AP1B1: variants seen among roughly 807,000 people sequenced by gnomAD.
The protein encoded by AP1B1 is AP-1 complex subunit beta-1.
In AP1B1, 36 loss-of-function variants were observed where a neutral mutation model predicts 104.3. The observed-to-expected ratio is 0.35, with a 90% CI of 0.26 to 0.46. The LOEUF (loss-of-function observed/expected upper bound fraction) is 0.46. Among genes scored for constraint, AP1B1 ranks in the 20% least tolerant of loss-of-function variants. The pLI, the probability that AP1B1 is intolerant of heterozygous loss-of-function variation, is 1.00. For missense variants in AP1B1, 901 were observed against 1,247.9 expected (o/e 0.72, Z 4.19); for synonymous variants, 504 against 517.5 (o/e 0.97, Z 0.35).
intron 19 of AP1B1, among the ~76,000 whole-genome samples, chr22:29,331,009 G>T (rs994995954): frequency 2.6e-5 from 4 of 152,208 alleles, no homozygotes; most frequent in African/African-American, 9.7e-5. Flanking sequence ...AGCCTCCCAT[G>T]CAGGCCTTCT....
intron 2 of AP1B1, among the ~76,000 whole-genome samples, chr22:29,366,855 C>T (rs3963294): frequency 6.6e-6 from 1 of 151,454 alleles, no homozygotes; most frequent in Non-Finnish European, 1.5e-5. Flanking sequence ...CACACACACA[C>T]ACACACACAC....
Position 29,342,393 on chromosome 22 carries a change from A to G in AP1B1, c.1438-10T>C. Reference sequence around the variant, plus strand: ...GCAGCTGCAGCTGGACCTGCAGGGAACAGCGGTGACGAGGAGGAAGTGTGG... The same window carrying G: ...GCAGCTGCAGCTGGACCTGCAGGGAGCAGCGGTGACGAGGAGGAAGTGTGG... On this transcript the variant is annotated splice_polypyrimidine_tract_variant and intron_variant, in intron 11 of 22. Transcript: ENST00000357586. 2 of 1,610,604 alleles carry G rather than the reference A, an allele frequency of 1.2e-6. No homozygotes were observed. The highest frequency in any genetic ancestry group is 1.7e-6 in the Non-Finnish European group (2 of 1,177,094).
rs1027275922 is a variant in AP1B1 at position 29,378,700 on chromosome 22, A to G, written c.-28+9724T>C. On this transcript the variant is annotated intron_variant, in intron 1 of 22. Transcript: ENST00000357586. ...CGGTGAAACCCCATCTCTACTAAAA[A>G]TACAAAAAATTAGCTGGGCCTGGTG... 2.0e-5 allele frequency among the ~76,000 whole-genome samples: 3 copies of G among 151,846 alleles called. No individual in the cohort carries two copies. The East Asian group carries it at 5.8e-4, about 30-fold the overall frequency.
chr22:29,358,515 G>A (rs2061994082), intron 5 of AP1B1, among the ~76,000 whole-genome samples: 2 of 152,204 alleles, frequency 1.3e-5, no homozygotes, highest in Admixed American at 6.5e-5. Context: ...CCCAGGTTGC[G>A]CAGCTAGTCA....
At chr22:29,336,591 C>G (rs906770037) in intron 16 of AP1B1, among the ~76,000 whole-genome samples, 1 of 150,320 alleles carries the variant, frequency 6.7e-6, no homozygotes, top group Admixed American at 6.6e-5. Context: ...CATCTGAGGT[C>G]ACGAGTTCAA....
intron 14 of AP1B1, among the ~76,000 whole-genome samples, 159 bp downstream of exon 14, chr22:29,340,497 C>A (rs1047643115): frequency 3.9e-5 from 6 of 152,168 alleles, no homozygotes; most frequent in African/African-American, 1.2e-4. Flanking sequence ...GTTTTCTCAT[C>A]ATAAGTAGGG....
chr22:29,372,522 G>C (rs2062258604), intron 1 of AP1B1, among the ~76,000 whole-genome samples: 1 of 151,270 alleles, frequency 6.6e-6, no homozygotes, highest in African/African-American at 2.4e-5. Context: ...GATGTATAAA[G>C]AAGCCCTTGG....
Position 29,340,737 on chromosome 22 carries a change from G to A in AP1B1, c.1917C>T (p.Pro639=). 6.3e-6 allele frequency: 10 copies of A among 1,595,678 alleles called. No homozygotes were observed. Among genetic ancestry groups the A allele is most frequent in the Non-Finnish European group, 8.5e-6 (10 of 1,172,108 alleles). The change falls in exon 14 of 23, where the codon CCC becomes CCT. Residue 639 remains proline (P), a synonymous_variant. Transcript: ENST00000357586. ...TGGCCAGGGGTGGGCCGCTCACTGGGGGGCCGAGGTCCAGGTTGAGGAGGT... is the reference window on the plus strand; with the variant it reads ...TGGCCAGGGGTGGGCCGCTCACTGGAGGGCCGAGGTCCAGGTTGAGGAGGT... ...LGDLLNLDLG[P]PVSGPPLATS...
chr22:29,331,546 G>C lies in AP1B1; in HGVS notation c.2440-13C>G, dbSNP rs199548425. On this transcript the variant is annotated splice_polypyrimidine_tract_variant and intron_variant, in intron 18 of 22. Transcript: ENST00000357586. The stretch of plus-strand genomic sequence containing the variant: ...TCTTCACGGCCACCTAGGCACAAGG[G>C]GGTCCCCAGTCAGTCTCTGGGGCTT... 1.7e-5 allele frequency: 27 copies of C among 1,614,124 alleles called. No homozygotes were observed. Among genetic ancestry groups the C allele is most frequent in the Admixed American group, 1.7e-4 (10 of 60,030 alleles).
intron 22 of AP1B1, 136 bp from the exon 23 acceptor site, chr22:29,329,031 C>A: frequency 6.8e-7 from 1 of 1,468,904 alleles, no homozygotes. Flanking sequence ...CTGCGCCTGG[C>A]ACAGATGTGA....
rs143578268 is a variant in AP1B1 at position 29,330,527 on chromosome 22, C to T, written c.2617G>A (p.Ala873Thr). 1 of 1,610,120 alleles carries T rather than the reference C, an allele frequency of 6.2e-7. No homozygotes were observed. Among genetic ancestry groups the T allele is most frequent in the Admixed American group, 1.7e-5 (1 of 59,956 alleles). Residue 873 changes from alanine to threonine, a missense_variant, in exon 21 of 23, where the codon GCG becomes ACG. Ala to Thr is a moderately conservative substitution (Grantham distance 58). This residue lies in a region of AP1B1 where 424 missense variants were observed against 494.0 expected (regional missense o/e 0.86). Coordinates refer to ENST00000357586, the MANE Select transcript of AP1B1 (RefSeq NM_001127.4). ...IRDCPLNAEA[A>T]SSKLQSSNIF... ...TTGCTGCTCTGCAGCTTGCTGCTCG[C>T]AGCCTCTGTGGGGTCACATGGCCGT...
At chr22:29,345,098 GC>G (rs2061771668) in intron 11 of AP1B1, among the ~76,000 whole-genome samples, 2 of 152,272 alleles carry the variant, frequency 1.3e-5, no homozygotes, top group South Asian at 4.1e-4. Context: ...TCGCTCTGTT[GC>G]CCAGGCTGGA....
intron 1 of AP1B1, among the ~76,000 whole-genome samples, chr22:29,379,407 T>C (rs2062402193): frequency 6.6e-6 from 1 of 152,044 alleles, no homozygotes; most frequent in African/African-American, 2.4e-5. Flanking sequence ...TTAATCGAGA[T>C]GAGGAGAAAG....
At chr22:29,351,503 G>T (rs2061874110) in intron 8 of AP1B1, 2 of 845,108 alleles carry the variant, frequency 2.4e-6, no homozygotes, top group African/African-American at 1.7e-5. Context: ...GGGATGACAG[G>T]TGATAACATG....
intron 7 of AP1B1, among the ~76,000 whole-genome samples, chr22:29,352,149 T>C (rs919134530): frequency 6.6e-6 from 1 of 152,210 alleles, no homozygotes; most frequent in African/African-American, 2.4e-5. Context: ...AGTCCCAGCC[T>C]GTGACCTCAG....
Position 29,335,619 on chromosome 22 carries a change from T to C in AP1B1, c.2164-1209A>G, listed in dbSNP as rs535852599. ...CCCCTTTCCACAGCAGCTGATGTTA[T>C]CTTGTGAAATGCAAATCTGATCATG... is the stretch of plus-strand genomic sequence containing the variant. On this transcript the variant is annotated intron_variant, in intron 16 of 22. Coordinates refer to ENST00000357586, the MANE Select transcript of AP1B1 (RefSeq NM_001127.4). Among the ~76,000 whole-genome samples, 5 of 152,244 alleles carry C rather than the reference T, an allele frequency of 3.3e-5. No individual in the cohort carries two copies. In the South Asian group the frequency reaches 8.3e-4, roughly 25 times the overall value.
chr22:29,360,889 C>G (rs1214064825), intron 3 of AP1B1, among the ~76,000 whole-genome samples: 11 of 152,158 alleles, frequency 7.2e-5, no homozygotes, highest in Admixed American at 7.2e-4. Context: ...GACGTGTCAA[C>G]ATAGAGACTT....
chr22:29,346,590 C>T (rs1052919601), intron 11 of AP1B1, among the ~76,000 whole-genome samples: 5 of 152,206 alleles, frequency 3.3e-5, no homozygotes, highest in African/African-American at 4.8e-5. Context: ...GCTTGCCCGC[C>T]GCTCACCTCC....
At chr22:29,375,422 G>C (rs1321339765) in intron 1 of AP1B1, among the ~76,000 whole-genome samples, 1 of 146,766 alleles carries the variant, frequency 6.8e-6, no homozygotes, top group East Asian at 2.0e-4. Context: ...TTTGGGATCT[G>C]TCCTGTTGAA....
Sources: allele counts gnomAD v4.1 joint callset (sites outside exome capture counted in the v4.1 genomes callset), GRCh38; gene constraint gnomAD v4.1.1; regional missense constraint gnomAD v4.1.1; transcripts MANE v1.5; gene names NCBI Gene and HGNC (gene_info 2026-07-23, HGNC 2026-07-21).